WIPF2: variants seen among roughly 807,000 people sequenced by gnomAD.
The protein encoded by WIPF2 is WAS/WASL-interacting protein family member 2.
A neutral mutation model predicts 38.8 loss-of-function variants in WIPF2; 23 were observed. The observed-to-expected ratio is 0.59, with a 90% CI of 0.43 to 0.84. WIPF2 has a LOEUF of 0.84. Ranked by LOEUF, WIPF2 falls within the 40% of genes least tolerant of loss-of-function variation. WIPF2 has a pLI of 0.00. For missense variants in WIPF2, 574 were observed against 580.5 expected (o/e 0.99, Z 0.11); for synonymous variants, 210 against 223.2 (o/e 0.94, Z 0.53).
At chr17:40,266,107 G>A (rs2032077444) in intron 5 of WIPF2, among the ~76,000 whole-genome samples, 2 of 152,006 alleles carry the variant, frequency 1.3e-5, no homozygotes, top group African/African-American at 4.8e-5. Flanking sequence ...CACCTAAGGA[G>A]TGAATATAGA....
intron 1 of WIPF2, among the ~76,000 whole-genome samples, chr17:40,235,647 C>T (rs1409385014): frequency 1.3e-5 from 2 of 148,780 alleles, no homozygotes; most frequent in Non-Finnish European, 3.0e-5. Flanking sequence ...GATCTCAGCT[C>T]ACCACAACCT....
intron 1 of WIPF2, among the ~76,000 whole-genome samples, chr17:40,247,989 C>G (rs572208653): frequency 6.6e-6 from 1 of 151,910 alleles, no homozygotes; most frequent in Non-Finnish European, 1.5e-5. Flanking sequence ...TCTTTGGTTT[C>G]TTGCTGTTAA....
chr17:40,239,881 G>C (rs551210457), intron 1 of WIPF2, among the ~76,000 whole-genome samples: 2 of 151,544 alleles, frequency 1.3e-5, no homozygotes, highest in Admixed American at 1.3e-4. Context: ...ATTTTTAATA[G>C]AGGTGGGGTT....
chr17:40,276,149 A>C (rs1363936184), intron 6 of WIPF2, among the ~76,000 whole-genome samples: 1 of 152,218 alleles, frequency 6.6e-6, no homozygotes, highest in Admixed American at 6.5e-5. Context: ...TCATAGACAG[A>C]TATTCCCATT....
intron 3 of WIPF2, 94 bp from the exon 4 acceptor site, chr17:40,262,431 G>A: frequency 1.0e-6 from 1 of 977,002 alleles, no homozygotes; most frequent in Non-Finnish European, 1.6e-6. Flanking sequence ...GTTTGCAAGC[G>A]ATAGCCCAGA....
intron 1 of WIPF2, among the ~76,000 whole-genome samples, chr17:40,224,272 C>T (rs1269190622): frequency 6.8e-6 from 1 of 146,934 alleles, no homozygotes; most frequent in Non-Finnish European, 1.5e-5. Flanking sequence ...CACTTTGTCC[C>T]CCAGGCTGGA....
intron 5 of WIPF2, among the ~76,000 whole-genome samples, chr17:40,268,598 T>A (rs1007422343): frequency 1.3e-5 from 2 of 152,048 alleles, no homozygotes; most frequent in African/African-American, 2.4e-5. Context: ...TCATTAAAAT[T>A]TTTTTTTATT....
At chr17:40,238,901 G>A (rs1294152581) in intron 1 of WIPF2, among the ~76,000 whole-genome samples, 2 of 151,888 alleles carry the variant, frequency 1.3e-5, no homozygotes, top group African/African-American at 2.4e-5. Context: ...GTGAGCCACC[G>A]TGCCCGGCCA....
At chr17:40,277,604 C>T (rs1330792671) in intron 7 of WIPF2, among the ~76,000 whole-genome samples, 4 of 151,652 alleles carry the variant, frequency 2.6e-5, no homozygotes, top group Non-Finnish European at 5.9e-5. Context: ...CTGTTTAAAC[C>T]CAGGAGGCGG....
intron 1 of WIPF2, among the ~76,000 whole-genome samples, chr17:40,226,455 T>C (rs1269949405): frequency 6.6e-6 from 1 of 151,896 alleles, no homozygotes; most frequent in Admixed American, 6.6e-5. Flanking sequence ...GACCTCGCGA[T>C]CCGCCCACCT....
intron 2 of WIPF2, 90 bp downstream of exon 2, chr17:40,256,612 T>C: frequency 2.7e-6 from 4 of 1,470,640 alleles, no homozygotes; most frequent in Non-Finnish European, 3.6e-6. Context: ...TAACTCCTTT[T>C]GGTTAAAATT....
chr17:40,238,238 T>A (rs999788033), intron 1 of WIPF2, among the ~76,000 whole-genome samples: 2 of 152,170 alleles, frequency 1.3e-5, no homozygotes, highest in African/African-American at 4.8e-5. Context: ...TTGATTCTTA[T>A]CTTTCGTGTT....
intron 1 of WIPF2, among the ~76,000 whole-genome samples, chr17:40,240,179 A>T (rs2031137896): frequency 6.6e-6 from 1 of 151,692 alleles, no homozygotes; most frequent in African/African-American, 2.4e-5. Context: ...CTGCTGCCTC[A>T]GCCTCCCAAG....
chr17:40,272,226 T>C (rs1259512433), intron 5 of WIPF2, among the ~76,000 whole-genome samples: 1 of 152,048 alleles, frequency 6.6e-6, no homozygotes, highest in Non-Finnish European at 1.5e-5. Flanking sequence ...TCCATGTTGA[T>C]CAGGCTGGTC....
At chr17:40,260,745 T>A in intron 3 of WIPF2, 78 bp downstream of exon 3, 1 of 1,595,210 alleles carries the variant, frequency 6.3e-7, no homozygotes. Flanking sequence ...TTCTTATTTT[T>A]ATTGGGCCTT....
rs944128233 is a variant in WIPF2 at position 40,219,474 on chromosome 17, C to A, written c.-88C>A. On this transcript the variant is annotated 5_prime_UTR_variant, in exon 1 of 8. Coordinates refer to ENST00000323571, the MANE Select transcript of WIPF2 (RefSeq NM_133264.5). ...AGTGTAGGCGGCAGAGGATTCGCTC[C>A]CAGAGCAGCTGCGGCCAGGTCGGAA... is the stretch of plus-strand genomic sequence containing the variant. The A allele has an allele frequency of 8.2e-5, 19 of 232,180 alleles. No homozygotes were observed. The highest frequency in any genetic ancestry group is 1.2e-4 in the Non-Finnish European group (14 of 115,516). 14.4% of individuals were successfully genotyped at this position (232,180 alleles called of 1,614,324 possible). A position where few individuals can be genotyped will look rare whatever the true frequency, so the allele number is the denominator to read the frequency against.
chr17:40,277,742 T>TTTTTTTTTTTTTTTTTTTTTGTTTA (rs2032449991), intron 7 of WIPF2, among the ~76,000 whole-genome samples: 1 of 139,850 alleles, frequency 7.2e-6, no homozygotes, highest in African/African-American at 2.6e-5. Flanking sequence ...TTTTTTTTTT[T>TTTTTTTTTTTTTTTTTTTTTGTTTA]GAGATAGGGT....
At position 40,219,304 on chromosome 17, in the gene WIPF2, AT is replaced by A; in HGVS notation, c.-254del. 1 of 279,350 alleles carries A rather than the reference AT, an allele frequency of 3.6e-6. No individual in the cohort carries two copies. The highest frequency in any genetic ancestry group is 6.9e-6 in the Non-Finnish European group (1 of 144,080). 17.3% of individuals were successfully genotyped at this position (279,350 alleles called of 1,614,324 possible). A position where few individuals can be genotyped will look rare whatever the true frequency, so the allele number is the denominator to read the frequency against. On this transcript the variant is annotated 5_prime_UTR_variant, in exon 1 of 8. Transcript: ENST00000323571. ...CTCTCCTCCTTTTTCCCCCGCCTCC[AT>A]TTTGTTCGCGGACGCTGGGGACGGT...
At chr17:40,224,855 A>T (rs980289682) in intron 1 of WIPF2, among the ~76,000 whole-genome samples, 32 of 152,018 alleles carry the variant, frequency 2.1e-4, no homozygotes, top group African/African-American at 7.7e-4. Flanking sequence ...ACATTTTGGC[A>T]ACATGCATCC....
Sources: allele counts gnomAD v4.1 joint callset (sites outside exome capture counted in the v4.1 genomes callset), GRCh38; gene constraint gnomAD v4.1.1; transcripts MANE v1.5; gene names NCBI Gene and HGNC (gene_info 2026-07-23, HGNC 2026-07-21).